The following PARN variants were observed in gnomAD, a reference collection of about 807,000 sequenced individuals.
PARN encodes the protein poly(A)-specific ribonuclease, also known as poly(A)-specific ribonuclease PARN.
PARN carries 71 observed loss-of-function variants against 102.8 expected under a neutral mutation model. The observed-to-expected ratio is 0.69, with a 90% CI of 0.57 to 0.84. PARN has a LOEUF of 0.84. Ranked by LOEUF, PARN falls within the 40% of genes least tolerant of loss-of-function variation. The probability of loss-of-function intolerance (pLI) is 0.00; values close to 1 mark genes in which losing one functional copy is unlikely to be tolerated. For synonymous variants in PARN, 261 were observed against 252.9 expected (o/e 1.03, Z -0.30); for missense variants, 782 against 760.9 (o/e 1.03, Z -0.33).
chr16:14,598,834 G>A (rs866941431), intron 12 of PARN, among the ~76,000 whole-genome samples: 2 of 152,020 alleles, frequency 1.3e-5, no homozygotes, highest in Non-Finnish European at 2.9e-5. Flanking sequence ...ACCTTGAGAG[G>A]GTTTCTATGG....
chr16:14,485,931 G>A (rs949745398), intron 21 of PARN, among the ~76,000 whole-genome samples: 6 of 152,122 alleles, frequency 3.9e-5, no homozygotes, highest in Non-Finnish European at 7.4e-5. Context: ...CAAGTGATTC[G>A]CCTGCCTCGG....
intron 21 of PARN, among the ~76,000 whole-genome samples, chr16:14,494,048 C>A (rs1401616016): frequency 6.6e-6 from 1 of 152,176 alleles, no homozygotes; most frequent in East Asian, 1.9e-4. Context: ...TTCAACCCAA[C>A]ACATCTTGAA....
intron 21 of PARN, among the ~76,000 whole-genome samples, chr16:14,532,174 ATTTTT>A (rs35785901): frequency 4.3e-5 from 6 of 138,284 alleles, no homozygotes. Context: ...TCAAACTCTG[ATTTTT>A]TTTTTTTTTT....
chr16:14,504,341 C>T (rs1325977360), intron 21 of PARN, among the ~76,000 whole-genome samples: 8 of 152,172 alleles, frequency 5.3e-5, no homozygotes, highest in Non-Finnish European at 8.8e-5. Flanking sequence ...GGGTGAATCA[C>T]GAGGTCAGGA....
chr16:14,497,185 T>C (rs925008763), intron 21 of PARN, among the ~76,000 whole-genome samples: 14 of 152,136 alleles, frequency 9.2e-5, no homozygotes, highest in African/African-American at 3.4e-4. Context: ...AATGCTGGTA[T>C]CTACCAGCAT....
intron 21 of PARN, among the ~76,000 whole-genome samples, chr16:14,538,879 G>A (rs772247619): frequency 2.0e-5 from 3 of 152,028 alleles, no homozygotes; most frequent in Non-Finnish European, 4.4e-5. Context: ...TTAGATTCCC[G>A]TAAGAACATG....
intron 21 of PARN, among the ~76,000 whole-genome samples, chr16:14,511,071 A>C (rs1288392303): frequency 6.6e-6 from 1 of 152,174 alleles, no homozygotes; most frequent in Middle Eastern, 3.2e-3. Context: ...ACAAAATCAG[A>C]TCAAAAGTTC....
Position 14,627,278 on chromosome 16 carries a change from G to C in PARN, c.236C>G (p.Thr79Arg). The C allele has an allele frequency of 6.3e-7, 1 of 1,593,448 alleles. No individual in the cohort carries two copies. The highest frequency in any genetic ancestry group is 8.6e-7 in the Non-Finnish European group (1 of 1,168,698). Reference protein sequence around the residue: ...FGLCTFKYDYTDSKYITKSFN... With the variant: ...FGLCTFKYDYRDSKYITKSFN... ...TGTTAACACAACCTACTTTGAATCT[G>C]TGTAGTCATACTTAAAAGTGCAAAG... Residue 79 changes from threonine to arginine, a missense_variant, in exon 4 of 24, where the codon ACA (threonine) becomes AGA (arginine). Coordinates refer to ENST00000437198, the MANE Select transcript of PARN (RefSeq NM_002582.4).
At chr16:14,479,523 T>C (rs1963263791) in intron 22 of PARN, among the ~76,000 whole-genome samples, 1 of 151,824 alleles carries the variant, frequency 6.6e-6, no homozygotes. Context: ...GGCAAGATTA[T>C]TCTAAAATTT....
chr16:14,629,112 T>A (rs1353723646), intron 2 of PARN, among the ~76,000 whole-genome samples: 2 of 152,192 alleles, frequency 1.3e-5, no homozygotes, highest in Admixed American at 1.3e-4. Flanking sequence ...TGGCGGTTGC[T>A]AAAGGCTGGG....
chr16:14,549,898 T>C (rs1392064482), intron 21 of PARN, among the ~76,000 whole-genome samples: 2 of 152,240 alleles, frequency 1.3e-5, no homozygotes, highest in East Asian at 3.8e-4. Context: ...ACACGGAACC[T>C]GTGGCTCGGA....
Position 14,630,181 on chromosome 16 carries a change from T to C in PARN, c.-56A>G. On this transcript the variant is annotated 5_prime_UTR_variant, in exon 1 of 24. Coordinates refer to ENST00000437198, the MANE Select transcript of PARN (RefSeq NM_002582.4). ...CCGGGCCCGCGCCCGCCTCAGCGGT[T>C]CTACTCGCCGAATTCCGCGGCGACT... 1 of 1,497,636 alleles carries C rather than the reference T, an allele frequency of 6.7e-7. No individual in the cohort carries two copies. The highest frequency in any genetic ancestry group is 1.2e-5 in the South Asian group (1 of 81,972). The allele number at this position is 1,497,636 out of a possible 1,614,324, so 92.8% of individuals were successfully genotyped here.
intron 18 of PARN, among the ~76,000 whole-genome samples, chr16:14,562,649 T>C (rs1193589244): frequency 7.2e-6 from 1 of 139,152 alleles, no homozygotes; most frequent in Non-Finnish European, 1.6e-5. Context: ...TAAGTAGATT[T>C]AAAAAAAAAA....
In PARN at chr16:14,610,730, T is replaced by C. The variant is rs758648769; in HGVS notation, c.468A>G (p.Ala156=). 4.4e-6 allele frequency: 7 copies of C among 1,607,074 alleles called. No homozygotes were observed. The highest frequency in any genetic ancestry group is 6.0e-6 in the Non-Finnish European group (7 of 1,173,568). ...TAGGAGATACATAGGACAGAGCTCC[T>C]GCACCATTCGCCTGTGAACGTTTTT... ...YDEKRSQANG[A]GALSYVSPNT... Residue 156 remains alanine, a synonymous_variant, in exon 7 of 24, where the codon GCA becomes GCG. Coordinates refer to ENST00000437198, the MANE Select transcript of PARN (RefSeq NM_002582.4).
intron 22 of PARN, among the ~76,000 whole-genome samples, chr16:14,454,970 A>G (rs1961614702): frequency 6.6e-6 from 1 of 152,256 alleles, no homozygotes; most frequent in Non-Finnish European, 1.5e-5. Context: ...ACGTATTTCA[A>G]TAACACATAA....
At chr16:14,463,564 CAT>C (rs1306584254) in intron 22 of PARN, among the ~76,000 whole-genome samples, 3 of 151,960 alleles carry the variant, frequency 2.0e-5, no homozygotes, top group Non-Finnish European at 4.4e-5. Flanking sequence ...AACTGCACTC[CAT>C]ATGTTGAAAA....
rs77289113 is a variant in PARN at position 14,435,941 on chromosome 16, C to G, written c.*776G>C. The G allele has an allele frequency of 1.4e-3, 208 of 146,532 alleles. No individual in the cohort carries two copies. In the Middle Eastern group the frequency reaches 0.017, roughly 12 times the overall value. 9.1% of individuals were successfully genotyped at this position (146,532 alleles called of 1,614,324 possible). A position where few individuals can be genotyped will look rare whatever the true frequency, so the allele number is the denominator to read the frequency against. On this transcript the variant is annotated 3_prime_UTR_variant, in exon 24 of 24. Coordinates refer to ENST00000437198, the MANE Select transcript of PARN (RefSeq NM_002582.4). ...ACACACACACACACACACACACACACACAGACACGTACGCACACACGCTGC... is the reference window on the plus strand; with the variant it reads ...ACACACACACACACACACACACACAGACAGACACGTACGCACACACGCTGC...
chr16:14,610,273 G>C (rs932023130), intron 7 of PARN, among the ~76,000 whole-genome samples: 2 of 152,062 alleles, frequency 1.3e-5, no homozygotes, highest in African/African-American at 4.8e-5. Context: ...AGGAGTTCGA[G>C]ACCAGCGTGG....
intron 22 of PARN, among the ~76,000 whole-genome samples, chr16:14,467,544 C>T (rs1430972157): frequency 6.6e-6 from 1 of 152,194 alleles, no homozygotes; most frequent in Non-Finnish European, 1.5e-5. Context: ...AAATAGATGA[C>T]ACCTAATGTA....
Sources: gnomAD v4.1 joint callset for allele counts (sites outside exome capture counted in the v4.1 genomes callset) on GRCh38, gnomAD v4.1.1 for gene constraint, MANE v1.5 for transcripts, NCBI Gene and HGNC (gene_info 2026-07-23, HGNC 2026-07-21) for gene names.